BMP8A: variants seen among roughly 807,000 people sequenced by gnomAD.
BMP8A encodes the protein bone morphogenetic protein 8a.
BMP8A carries 14 observed loss-of-function variants against 36.8 expected under a neutral mutation model. That is an observed-to-expected ratio of 0.38 (90% CI 0.25 to 0.60). The LOEUF (loss-of-function observed/expected upper bound fraction) is 0.60. Ranked by LOEUF, BMP8A falls within the 20% of genes least tolerant of loss-of-function variation. The probability of loss-of-function intolerance (pLI) is 0.63; values close to 1 mark genes in which losing one functional copy is unlikely to be tolerated. For synonymous variants in BMP8A, 120 were observed against 237.7 expected, an observed-to-expected ratio of 0.50 and a Z score of 4.55; for missense variants, 267 against 551.1, an observed-to-expected ratio of 0.48 and a Z score of 5.16.
intron 1 of BMP8A, among the ~76,000 whole-genome samples, chr1:39,503,583 T>C (rs1645272338): frequency 7.0e-6 from 1 of 143,716 alleles, no homozygotes; most frequent in Non-Finnish European, 1.5e-5. Context: ...CGTGCAATCT[T>C]GGGTCACTGC....
chr1:39,523,058 T>A lies in BMP8A; in HGVS notation c.1000T>A (p.Cys334Ser), dbSNP rs766883731. 36 of 1,613,030 alleles carry A rather than the reference T, an allele frequency of 2.2e-5. No individual in the cohort carries two copies. The highest frequency in any genetic ancestry group is 2.9e-5 in the Non-Finnish European group (34 of 1,179,748). Residue 334 changes from cysteine (C) to serine (S), a missense_variant, in exon 6 of 7, where the codon TGC becomes AGC. By Grantham distance (112) the Cys-to-Ser change is moderately radical. Coordinates refer to ENST00000331593, the MANE Select transcript of BMP8A (RefSeq NM_181809.4). ...CTCAGCCTATTACTGTGAGGGGGAG[T>A]GCTCCTTCCCGCTGGACTCCTGCAT... ...GYSAYYCEGECSFPLDSCMNA... is the reference protein window; with the variant it reads ...GYSAYYCEGESSFPLDSCMNA...
At position 39,491,698 on chromosome 1, in the gene BMP8A, A is replaced by G. The variant is rs1043290571; in HGVS notation, c.-294A>G. ...CCTGCGCTGCGCGGACCGCAGCCAC[A>G]GCCGGACTGGTGGGAACGGCGGCGA... On this transcript the variant is annotated 5_prime_UTR_variant, in exon 1 of 7. Transcript: ENST00000331593. The G allele has an allele frequency of 8.6e-4, 139 of 160,894 alleles. No individual in the cohort carries two copies. Among genetic ancestry groups the G allele is most frequent in the Non-Finnish European group, 1.6e-3 (118 of 74,480 alleles). The allele number at this position is 160,894 out of a possible 1,614,324, so 10.0% of individuals were successfully genotyped here. A position where few individuals can be genotyped will look rare whatever the true frequency, so the allele number is the denominator to read the frequency against.
intron 1 of BMP8A, among the ~76,000 whole-genome samples, chr1:39,507,131 C>T (rs923539741): frequency 3.9e-5 from 6 of 152,198 alleles, no homozygotes; most frequent in Non-Finnish European, 8.8e-5. Context: ...TCAATGGCTC[C>T]TTTCAGGGCC....
At chr1:39,501,461 C>T (rs1020018060) in intron 1 of BMP8A, among the ~76,000 whole-genome samples, 3 of 152,142 alleles carry the variant, frequency 2.0e-5, no homozygotes, top group Admixed American at 1.3e-4. Flanking sequence ...CTCAAGCCAT[C>T]CTCCTACCTC....
At chr1:39,519,780 G>A (rs1346320771) in intron 3 of BMP8A, among the ~76,000 whole-genome samples, 14 of 150,910 alleles carry the variant, frequency 9.3e-5, no homozygotes, top group Non-Finnish European at 2.1e-4. Flanking sequence ...GTCTGTCTGA[G>A]CGTATGTGCA....
In BMP8A at chr1:39,523,050, A is replaced by T. The variant is rs1645444764; in HGVS notation, c.992A>T (p.Glu331Val). ...CAAGGCTACTCAGCCTATTACTGTG[A>T]GGGGGAGTGCTCCTTCCCGCTGGAC... ...APQGYSAYYC[E>V]GECSFPLDSC... Residue 331 changes from glutamate (E) to valine (V), a missense_variant, in exon 6 of 7, where the codon GAG becomes GTG. Physicochemically the swap from Glu to Val is moderately radical, Grantham distance 121 (BLOSUM62 -2). Coordinates refer to ENST00000331593, the MANE Select transcript of BMP8A (RefSeq NM_181809.4). The T allele has an allele frequency of 6.2e-7, 1 of 1,613,726 alleles. No individual in the cohort carries two copies. Among genetic ancestry groups the T allele is most frequent in the African/African-American group, 1.3e-5 (1 of 74,964 alleles).
At chr1:39,494,513 G>A (rs1253271119) in intron 1 of BMP8A, among the ~76,000 whole-genome samples, 4 of 151,866 alleles carry the variant, frequency 2.6e-5, no homozygotes, top group African/African-American at 9.7e-5. Context: ...ACCACACCCA[G>A]ATAATTTTTA....
rs1271504795 is a variant in BMP8A, at chr1:39,526,530, G to A, written c.*732G>A. 1.3e-5 allele frequency among the ~76,000 whole-genome samples: 2 copies of A among 152,060 alleles called. No homozygotes were observed. The highest frequency in any genetic ancestry group is 2.4e-5 in the African/African-American group (1 of 41,402). ...ATTCTTGTATTTTTAGTAGAGACGG[G>A]GTTTCACCATATCGGCCAGGCTGGT... On this transcript the variant is annotated 3_prime_UTR_variant, in exon 7 of 7. Transcript: ENST00000331593.
At position 39,514,658 on chromosome 1, in the gene BMP8A, C is replaced by T. The variant is rs555064550; in HGVS notation, c.673+2754C>T. Among the ~76,000 whole-genome samples the T allele has an allele frequency of 1.3e-3, 195 of 152,142 alleles. 2 individuals are homozygous for T. The highest frequency in any genetic ancestry group is 2.1e-3 in the Non-Finnish European group (144 of 67,974). On this transcript the variant is annotated intron_variant, in intron 3 of 6. Coordinates refer to ENST00000331593, the MANE Select transcript of BMP8A (RefSeq NM_181809.4). The stretch of plus-strand genomic sequence containing the variant: ...TGGTTGGAGTTTGTGTCTGAGGCTC[C>T]ACTGGGGCAGGAGGGGACCTAGCCT...
intron 1 of BMP8A, among the ~76,000 whole-genome samples, chr1:39,493,075 G>C (rs1406686621): frequency 2.6e-5 from 4 of 152,164 alleles, no homozygotes; most frequent in Non-Finnish European, 5.9e-5. Flanking sequence ...TTCTTTTCCA[G>C]TACTAAACTC....
At chr1:39,496,815 T>C (rs1297756409) in intron 1 of BMP8A, among the ~76,000 whole-genome samples, 2 of 152,224 alleles carry the variant, frequency 1.3e-5, no homozygotes, top group Non-Finnish European at 2.9e-5. Context: ...TGAATGTGAA[T>C]GTGTATTGTA....
In BMP8A at chr1:39,492,051, G is replaced by A; in HGVS notation, c.60G>A (p.Gly20=). The A allele has an allele frequency of 1.8e-6, 2 of 1,100,054 alleles. No individual in the cohort carries two copies. The highest frequency in any genetic ancestry group is 2.2e-6 in the Non-Finnish European group (2 of 905,624). 68.1% of individuals were successfully genotyped at this position (1,100,054 alleles called of 1,614,324 possible). ...GCCTGACGTTGTGCGCGCTGGGCGG[G>A]GGCGGCCCCGGCCTGCGACCCCCGC... ...LLGLTLCALG[G]GGPGLRPPPG... is the part of the protein sequence containing the mutation. Residue 20 remains glycine (G), a synonymous_variant, in exon 1 of 7, where the codon GGG becomes GGA. Coordinates refer to ENST00000331593, the MANE Select transcript of BMP8A (RefSeq NM_181809.4).
rs753896862 is a variant in BMP8A at position 39,525,658 on chromosome 1, A to G, written c.1069A>G (p.Met357Val). The part of the protein sequence containing the change: ...HAILQSLVHL[M>V]KPNAVPKACC... ...CTCCCTTCCTGGCCAGGTGCACCTGATGAAGCCAAACGCAGTCCCCAAGGC... is the reference window on the plus strand; with the variant it reads ...CTCCCTTCCTGGCCAGGTGCACCTGGTGAAGCCAAACGCAGTCCCCAAGGC... The change falls in exon 7 of 7, where the codon ATG (methionine) becomes GTG (valine). Residue 357 changes from methionine to valine, a missense_variant. This residue lies in a region of BMP8A where 132 missense variants were observed against 151.3 expected (regional missense o/e 0.87). Transcript: ENST00000331593. 6.2e-7 allele frequency: 1 copy of G among 1,613,946 alleles called. No individual in the cohort carries two copies. The highest frequency in any genetic ancestry group is 8.5e-7 in the Non-Finnish European group (1 of 1,179,978).
At chr1:39,501,585 G>A (rs1248904375) in intron 1 of BMP8A, among the ~76,000 whole-genome samples, 3 of 152,202 alleles carry the variant, frequency 2.0e-5, no homozygotes, top group Non-Finnish European at 4.4e-5. Context: ...GAGCTAAAGT[G>A]CAGTGATGTG....
intron 1 of BMP8A, among the ~76,000 whole-genome samples, chr1:39,505,710 G>C (rs940613565): frequency 1.3e-5 from 2 of 152,196 alleles, no homozygotes; most frequent in African/African-American, 4.8e-5. Context: ...GGCCAGGCAT[G>C]GTGGCTCATG....
chr1:39,507,511 G>T (rs376052589), intron 1 of BMP8A, among the ~76,000 whole-genome samples: 12 of 152,306 alleles, frequency 7.9e-5, no homozygotes, highest in African/African-American at 2.9e-4. Context: ...GGTGGTCCAC[G>T]GTAGCAGAAG....
At chr1:39,525,542 T>C (rs954742106) in intron 6 of BMP8A, 107 bp from the exon 7 acceptor site, 26 of 1,422,982 alleles carry the variant, frequency 1.8e-5, no homozygotes, top group African/African-American at 2.8e-5. Context: ...CCCATGTGGC[T>C]TGGAGATGGC....
chr1:39,524,488 T>C lies in BMP8A; in HGVS notation c.1060-1161T>C, dbSNP rs1645462250. 6.6e-6 allele frequency among the ~76,000 whole-genome samples: 1 copy of C among 151,994 alleles called. No individual in the cohort carries two copies. The highest frequency in any genetic ancestry group is 1.9e-4 in the East Asian group (1 of 5,170). On this transcript the variant is annotated intron_variant, in intron 6 of 6. Transcript: ENST00000331593. The surrounding 1 kb of genome is among the most constrained non-coding windows in gnomAD (Gnocchi z 4.0). Reference sequence around the variant, plus strand: ...ACACAAGGAGGGGCACGTCAGCAGCTGGAGGAGGAATGTTCCAGAAGGAGC... The same window carrying C: ...ACACAAGGAGGGGCACGTCAGCAGCCGGAGGAGGAATGTTCCAGAAGGAGC...
chr1:39,495,125 G>A (rs922733703), intron 1 of BMP8A, among the ~76,000 whole-genome samples: 4 of 152,182 alleles, frequency 2.6e-5, no homozygotes, highest in African/African-American at 7.2e-5. Flanking sequence ...TAGCAGGGTC[G>A]CTGTGGTGTC....
Sources: allele counts gnomAD v4.1 joint callset (sites outside exome capture counted in the v4.1 genomes callset), GRCh38; gene constraint gnomAD v4.1.1; regional missense constraint gnomAD v4.1.1; non-coding constraint Gnocchi (gnomAD v3.1); transcripts MANE v1.5; gene names NCBI Gene and HGNC (gene_info 2026-07-23, HGNC 2026-07-21).